The following ATP8A2 variants were observed in gnomAD, a reference collection of about 807,000 sequenced individuals.
ATP8A2 encodes phospholipid-transporting ATPase IB.
ATP8A2 carries 100 observed loss-of-function variants against 165.6 expected under a neutral mutation model. The ratio of observed to expected loss-of-function variants is 0.60; its 90% CI spans 0.51 to 0.71. The LOEUF (loss-of-function observed/expected upper bound fraction) is 0.71. ATP8A2 is among the 30% of genes least tolerant of loss of function. The pLI, the probability that ATP8A2 is intolerant of heterozygous loss-of-function variation, is 0.00. For synonymous variants in ATP8A2, 543 were observed against 548.8 expected, an observed-to-expected ratio of 0.99 and a Z score of 0.15; for missense variants, 1,227 against 1,479.5, an observed-to-expected ratio of 0.83 and a Z score of 2.80.
chr13:25,727,512 ACT>A (rs1175675211), intron 25 of ATP8A2, among the ~76,000 whole-genome samples: 2 of 152,012 alleles, frequency 1.3e-5, no homozygotes, highest in African/African-American at 2.4e-5. Flanking sequence ...TGCCCTGGAG[ACT>A]CTGCGTGTGA....
chr13:25,579,050 A>C, intron 21 of ATP8A2, 151 bp downstream of exon 21: 1 of 651,746 alleles, frequency 1.5e-6, no homozygotes, highest in Non-Finnish European at 2.8e-6. Context: ...ATCCAAACTC[A>C]TTTACCTGTA....
In ATP8A2 at chr13:25,528,190, G is replaced by A. The variant is rs147624309; in HGVS notation, c.222-1809G>A. On this transcript the variant is annotated intron_variant, in intron 2 of 36. Transcript: ENST00000381655. ...CAGTGACATCCTGTTATGCCACAGG[G>A]CCACTTAAACAAGGAGGAGATCCAT... 3.1e-3 allele frequency among the ~76,000 whole-genome samples: 476 copies of A among 152,274 alleles called. 7 individuals carry two copies. Among genetic ancestry groups the A allele is most frequent in the African/African-American group, 0.01 (421 of 41,554 alleles).
At chr13:25,972,598 C>T (rs1955939924) in intron 35 of ATP8A2, among the ~76,000 whole-genome samples, 1 of 152,110 alleles carries the variant, frequency 6.6e-6, no homozygotes, top group African/African-American at 2.4e-5. Context: ...CCCAGTAATC[C>T]CTACCTGGGG....
At chr13:25,785,194 T>C (rs2044993769) in intron 27 of ATP8A2, among the ~76,000 whole-genome samples, 3 of 149,590 alleles carry the variant, frequency 2.0e-5, no homozygotes, top group Admixed American at 2.0e-4. Context: ...AGGTCAGGAG[T>C]TCAAGACCAG....
chr13:25,895,272 T>A (rs1016802831), intron 33 of ATP8A2, among the ~76,000 whole-genome samples: 3 of 152,366 alleles, frequency 2.0e-5, no homozygotes, highest in South Asian at 2.1e-4. Context: ...AAAGGCCTTT[T>A]CTGCATCTAT....
At chr13:25,550,907 G>T (rs1420199225) in intron 10 of ATP8A2, among the ~76,000 whole-genome samples, 1 of 152,146 alleles carries the variant, frequency 6.6e-6, no homozygotes, top group Non-Finnish European at 1.5e-5. Flanking sequence ...ATATCTCTGT[G>T]TATTTATTGC....
intron 34 of ATP8A2, 95 bp downstream of exon 34, chr13:25,961,758 A>G: frequency 1.0e-6 from 1 of 986,800 alleles, no homozygotes; most frequent in Non-Finnish European, 1.5e-6. Flanking sequence ...TGAGAATGAC[A>G]GGAATTCGGA....
chr13:25,813,119 C>T (rs1344449097), intron 27 of ATP8A2, among the ~76,000 whole-genome samples: 1 of 152,048 alleles, frequency 6.6e-6, no homozygotes, highest in Non-Finnish European at 1.5e-5. Flanking sequence ...GACTTAATGC[C>T]TAGGTAATGG....
At chr13:25,560,123 C>T (rs550951738) in intron 15 of ATP8A2, among the ~76,000 whole-genome samples, 4 of 152,208 alleles carry the variant, frequency 2.6e-5, no homozygotes, top group South Asian at 2.1e-4. Flanking sequence ...AAACCAGGCT[C>T]GCCCTGGAGT....
rs60241678 is a variant in ATP8A2, at chr13:25,603,470, C to CA, written c.2211+13790dup. The stretch of plus-strand genomic sequence containing the variant: ...TGGGTGACAGAATGAGACTCTGTCT[C>CA]AAAAAAAAAAAAAAAAAAATTTTAA... On this transcript the variant is annotated intron_variant, in intron 24 of 36. Coordinates refer to ENST00000381655, the MANE Select transcript of ATP8A2 (RefSeq NM_016529.6). 4.0e-3 allele frequency among the ~76,000 whole-genome samples: 473 copies of CA among 118,416 alleles called. 3 individuals are homozygous for CA. The highest frequency in any genetic ancestry group is 0.03 in the Middle Eastern group (7 of 234). The allele number at this position is 118,416 out of a possible 152,430, so 77.7% of individuals were successfully genotyped here. A position where few individuals can be genotyped will look rare whatever the true frequency, so the allele number is the denominator to read the frequency against.
At chr13:25,485,248 A>G (rs2036315234) in intron 2 of ATP8A2, among the ~76,000 whole-genome samples, 1 of 152,212 alleles carries the variant, frequency 6.6e-6, no homozygotes, top group Non-Finnish European at 1.5e-5. Context: ...ATAAGATTAG[A>G]CATAGCAGAG....
intron 1 of ATP8A2, among the ~76,000 whole-genome samples, chr13:25,383,202 T>C (rs924885540): frequency 2.6e-5 from 4 of 151,896 alleles, no homozygotes; most frequent in Admixed American, 2.6e-4. Flanking sequence ...TGCACCACCA[T>C]GCCCAGCTAA....
chr13:25,781,523 C>CT (rs1257552126), intron 27 of ATP8A2, among the ~76,000 whole-genome samples: 2 of 151,930 alleles, frequency 1.3e-5, no homozygotes, highest in African/African-American at 2.4e-5. Context: ...GAGTCTCACT[C>CT]TGTCACCCAG....
chr13:25,458,146 G>A (rs1183510816), intron 1 of ATP8A2, among the ~76,000 whole-genome samples: 1 of 152,208 alleles, frequency 6.6e-6, no homozygotes, highest in Non-Finnish European at 1.5e-5. Context: ...TAGAAGGAAT[G>A]TCAAGAGAAA....
chr13:25,568,512 G>C (rs2138163617), intron 16 of ATP8A2, among the ~76,000 whole-genome samples: 1 of 152,144 alleles, frequency 6.6e-6, no homozygotes, highest in East Asian at 1.9e-4. Context: ...GTTAACTGAA[G>C]GAAAAATATA....
At chr13:25,474,346 G>C (rs1345863286) in intron 2 of ATP8A2, among the ~76,000 whole-genome samples, 1 of 152,168 alleles carries the variant, frequency 6.6e-6, no homozygotes, top group East Asian at 1.9e-4. Flanking sequence ...CAGATCACGA[G>C]GTCAGGAGAT....
intron 27 of ATP8A2, among the ~76,000 whole-genome samples, chr13:25,799,660 C>G (rs1950579498): frequency 6.6e-6 from 1 of 152,194 alleles, no homozygotes; most frequent in South Asian, 2.1e-4. Flanking sequence ...GCCTCCGTCC[C>G]TGAGTGTATT....
chr13:25,730,652 A>G (rs1157709727), intron 25 of ATP8A2, among the ~76,000 whole-genome samples: 2 of 152,178 alleles, frequency 1.3e-5, no homozygotes, highest in Non-Finnish European at 2.9e-5. Context: ...TGTATAATAG[A>G]CCAAATGTGA....
chr13:25,669,712 C>T (rs1455264454), intron 24 of ATP8A2, among the ~76,000 whole-genome samples: 1 of 152,162 alleles, frequency 6.6e-6, no homozygotes, highest in Non-Finnish European at 1.5e-5. Flanking sequence ...AAACTTCCTT[C>T]TTAGCCTCCA....
Sources: gnomAD v4.1 joint callset for allele counts (sites outside exome capture counted in the v4.1 genomes callset) on GRCh38, gnomAD v4.1.1 for gene constraint, MANE v1.5 for transcripts, NCBI Gene and HGNC (gene_info 2026-07-23, HGNC 2026-07-21) for gene names.